The following DYNC2H1 variants were observed in gnomAD, a reference collection of about 807,000 sequenced individuals.
DYNC2H1 encodes the protein cytoplasmic dynein 2 heavy chain 1.
DYNC2H1 carries 410 observed loss-of-function variants against 570.0 expected under a neutral mutation model. The ratio of observed to expected loss-of-function variants is 0.72; its 90% CI spans 0.66 to 0.78. The LOEUF is 0.78. Among genes scored for constraint, DYNC2H1 ranks in the 30% least tolerant of loss-of-function variants. DYNC2H1 has a pLI of 0.00. For missense variants in DYNC2H1, 4,865 were observed against 5,046.4 expected (o/e 0.96, Z 1.09); for synonymous variants, 1,688 against 1,677.6 (o/e 1.01, Z -0.15).
intron 86 of DYNC2H1, among the ~76,000 whole-genome samples, chr11:103,455,560 TC>T (rs760041458): frequency 5.9e-5 from 9 of 152,196 alleles, no homozygotes; most frequent in Non-Finnish European, 4.4e-5. Context: ...ACCTGTGCTG[TC>T]CACTATGGTA....
In DYNC2H1 at chr11:103,231,598, A is replaced by ATAT. The variant is rs5794215; in HGVS notation, c.9440+255_9440+257dup. ...TACTCAAGTTAAGGATCATTTTTGA[A>ATAT]TATTAGTTTTAAAGCCTTTCATGTA... On this transcript the variant is annotated intron_variant, in intron 60 of 88. Coordinates refer to ENST00000375735, the MANE Select transcript of DYNC2H1 (RefSeq NM_001377.3). Among the ~76,000 whole-genome samples, 141,637 of 151,914 alleles carry ATAT rather than the reference A, an allele frequency of 0.93. 66,060 individuals carry two copies. Among genetic ancestry groups the ATAT allele is most frequent in the African/African-American group, 0.94 (39,060 of 41,496 alleles).
intron 75 of DYNC2H1, among the ~76,000 whole-genome samples, chr11:103,294,975 G>A (rs533364611): frequency 4.8e-4 from 73 of 152,264 alleles, no homozygotes; most frequent in South Asian, 8.3e-4. Flanking sequence ...GAGAAGGAAC[G>A]TGTCCATGTG....
chr11:103,294,396 C>T (rs1305232346), intron 75 of DYNC2H1, among the ~76,000 whole-genome samples: 1 of 152,056 alleles, frequency 6.6e-6, no homozygotes, highest in East Asian at 1.9e-4. Flanking sequence ...GTGTTTTTAC[C>T]TAAGCCTGTT....
intron 84 of DYNC2H1, among the ~76,000 whole-genome samples, chr11:103,426,471 A>C (rs1169073220): frequency 6.6e-6 from 1 of 152,206 alleles, no homozygotes; most frequent in Admixed American, 6.5e-5. Context: ...ATGGATTACA[A>C]ATGTAAACAA....
At position 103,155,390 on chromosome 11, in the gene DYNC2H1, T is replaced by A. The variant is rs757959016; in HGVS notation, c.3633T>A (p.Leu1211=). The A allele has an allele frequency of 2.5e-6, 4 of 1,612,360 alleles. No homozygotes were observed. The African/African-American group carries it at 5.3e-5, about 22-fold the overall frequency. ...AGCATCTTTCTCCAGATCACTGGCT[T>A]GACCTTTTTCGTCTCCTTGGACTTC... ...RGEHLSPDHW[L]DLFRLLGLPR... is the part of the protein sequence containing the mutation. The change falls in exon 25 of 89, where the codon CTT becomes CTA. Residue 1211 remains leucine (L), a synonymous_variant. Transcript: ENST00000375735.
In DYNC2H1 at chr11:103,170,848, AT is replaced by A. The variant is rs748084288; in HGVS notation, c.5152-32del. 7.2e-5 allele frequency: 99 copies of A among 1,383,002 alleles called. No individual in the cohort carries two copies. The highest frequency in any genetic ancestry group is 3.2e-4 in the Admixed American group (12 of 37,996). The allele number at this position is 1,383,002 out of a possible 1,614,324, so 85.7% of individuals were successfully genotyped here. A position where few individuals can be genotyped will look rare whatever the true frequency, so the allele number is the denominator to read the frequency against. On this transcript the variant is annotated intron_variant, in intron 33 of 88. Coordinates refer to ENST00000375735, the MANE Select transcript of DYNC2H1 (RefSeq NM_001377.3). The surrounding 1 kb of genome is among the most constrained non-coding windows in gnomAD (Gnocchi z 4.8). ...TTAAGTAGTTATGGAGATTTTGATT[AT>A]TTTTTAATGACTATAATTTTTATTG... is the stretch of plus-strand genomic sequence containing the variant.
chr11:103,162,906 A>G, intron 29 of DYNC2H1, 122 bp from the exon 30 acceptor site: 2 of 787,300 alleles, frequency 2.5e-6, no homozygotes, highest in South Asian at 2.9e-5. Context: ...GGAAAGTATA[A>G]TACCCCGTCT....
chr11:103,280,406 A>G lies in DYNC2H1; in HGVS notation c.10754A>G (p.Gln3585Arg), dbSNP rs1403878951. The G allele has an allele frequency of 6.4e-7, 1 of 1,553,262 alleles. No homozygotes were observed. Among genetic ancestry groups the G allele is most frequent in the Non-Finnish European group, 8.7e-7 (1 of 1,147,306 alleles). The change falls in exon 71 of 89, where the codon CAA becomes CGA. Residue 3585 changes from glutamine to arginine, a missense_variant. Coordinates refer to ENST00000375735, the MANE Select transcript of DYNC2H1 (RefSeq NM_001377.3). This position sits in a 1 kb window ranked among gnomAD's most constrained non-coding sequence, Gnocchi z 4.7. ...FVRGMHPELF[Q>R]ENEWDTFTGV... ...CGAGGCATGCATCCTGAACTTTTTCAAGAAAATGTAAGTCAAATTAAAGGA... is the reference window on the plus strand; with the variant it reads ...CGAGGCATGCATCCTGAACTTTTTCGAGAAAATGTAAGTCAAATTAAAGGA...
rs374215516 is a variant in DYNC2H1, at chr11:103,253,372, C to T, written c.10130C>T (p.Pro3377Leu). 1 of 1,613,158 alleles carries T rather than the reference C, an allele frequency of 6.2e-7. No individual in the cohort carries two copies. The highest frequency in any genetic ancestry group is 8.5e-7 in the Non-Finnish European group (1 of 1,179,528). The change falls in exon 66 of 89, where the codon CCT (proline) becomes CTT (leucine). Residue 3377 changes from proline to leucine, a missense_variant. Around this residue, in one of 5 missense-constraint regions of DYNC2H1, gnomAD observed 2,401 missense variants for 2,454.6 expected, o/e 0.98. Coordinates refer to ENST00000375735, the MANE Select transcript of DYNC2H1 (RefSeq NM_001377.3). ...RLFLSTRNPN[P>L]FIPPDAASIV... ...TTTTTGTCAACAAGAAACCCAAATCCTTTTATTCCACCGGATGCAGCTTCC... is the reference window on the plus strand; with the variant it reads ...TTTTTGTCAACAAGAAACCCAAATCTTTTTATTCCACCGGATGCAGCTTCC...
intron 70 of DYNC2H1, among the ~76,000 whole-genome samples, chr11:103,271,480 C>T (rs1299523750): frequency 6.6e-6 from 1 of 152,144 alleles, no homozygotes; most frequent in Non-Finnish European, 1.5e-5. Flanking sequence ...TTATACTTTT[C>T]ATTGAACATA....
At chr11:103,134,292 T>C (rs1859424692) in intron 14 of DYNC2H1, 29 bp from the exon 15 acceptor site, 2 of 1,601,096 alleles carry the variant, frequency 1.2e-6, no homozygotes, top group Non-Finnish European at 1.7e-6. Context: ...AGCAATACTT[T>C]GAGACTAGCA....
At chr11:103,111,935 C>A (rs1190989368) in intron 1 of DYNC2H1, among the ~76,000 whole-genome samples, 5 of 152,098 alleles carry the variant, frequency 3.3e-5, no homozygotes, top group Non-Finnish European at 7.4e-5. Context: ...AAAGGAGTAA[C>A]ATTGGAATGG....
intron 47 of DYNC2H1, among the ~76,000 whole-genome samples, chr11:103,194,253 C>T (rs1196847587): frequency 6.6e-6 from 1 of 152,002 alleles, no homozygotes; most frequent in Non-Finnish European, 1.5e-5. Flanking sequence ...TTCGATAGCT[C>T]GTTTCTTTTT....
chr11:103,407,368 T>G (rs1203575473), intron 84 of DYNC2H1: 1 of 150,826 alleles, frequency 6.6e-6, no homozygotes, highest in African/African-American at 2.4e-5. Flanking sequence ...GTAGGTTCAA[T>G]TCCTATAGTT....
At chr11:103,287,459 A>G (rs1158156585) in intron 74 of DYNC2H1, 74 bp from the exon 75 acceptor site, 4 of 1,140,454 alleles carry the variant, frequency 3.5e-6, no homozygotes, top group Non-Finnish European at 5.0e-6. Flanking sequence ...TTAATTAGTT[A>G]ACATTAATTA....
chr11:103,202,201 TTTTGATA>T (rs1862746136), intron 50 of DYNC2H1, among the ~76,000 whole-genome samples: 1 of 152,160 alleles, frequency 6.6e-6, no homozygotes, highest in Non-Finnish European at 1.5e-5. Flanking sequence ...GCGTTCCATC[TTTTGATA>T]TTTAAGGAAT....
At chr11:103,422,549 A>AGAT (rs1943524162) in intron 84 of DYNC2H1, among the ~76,000 whole-genome samples, 7 of 152,184 alleles carry the variant, frequency 4.6e-5, no homozygotes, top group Admixed American at 4.6e-4. Flanking sequence ...GCGAATCAAT[A>AGAT]GATGTGTTTC....
At chr11:103,442,192 A>T (rs910589553) in intron 85 of DYNC2H1, among the ~76,000 whole-genome samples, 31 of 152,204 alleles carry the variant, frequency 2.0e-4, no homozygotes, top group African/African-American at 7.2e-4. Flanking sequence ...AGCTTCTATT[A>T]TATGCCAGCC....
At chr11:103,175,324 G>T (rs1861758090) in intron 36 of DYNC2H1, among the ~76,000 whole-genome samples, 1 of 152,122 alleles carries the variant, frequency 6.6e-6, no homozygotes, top group Non-Finnish European at 1.5e-5. Flanking sequence ...TTATTAGGTT[G>T]GCGTATGCCT....
Sources: gnomAD v4.1 joint callset for allele counts (sites outside exome capture counted in the v4.1 genomes callset) on GRCh38, gnomAD v4.1.1 for gene constraint, gnomAD v4.1.1 regional missense constraint, Gnocchi (gnomAD v3.1) non-coding constraint, MANE v1.5 for transcripts, NCBI Gene and HGNC (gene_info 2026-07-23, HGNC 2026-07-21) for gene names.